DYSF: variants seen among roughly 807,000 people sequenced by gnomAD.
DYSF encodes dysferlin.
Under a neutral mutation model 274.9 loss-of-function variants are expected in DYSF, and 212 were observed. The ratio of observed to expected loss-of-function variants is 0.77; its 90% CI spans 0.69 to 0.86. The LOEUF is 0.86. Among genes scored for constraint, DYSF ranks in the 40% least tolerant of loss-of-function variants. DYSF has a pLI of 0.00. For missense variants in DYSF, 2,666 were observed against 2,783.2 expected (o/e 0.96, Z 0.95); for synonymous variants, 1,091 against 1,078.7 (o/e 1.01, Z -0.22).
At position 71,549,335 on chromosome 2, in the gene DYSF, T is replaced by G; in HGVS notation, c.1577-1706T>G. The G allele has an allele frequency of 1.2e-6, 2 of 1,611,830 alleles. No homozygotes were observed. ...ATGCCCACCCTAACCCCTTTTCCAT[T>G]TCTTTACGCTTCAGAGGAGCCTGCA... On this transcript the variant is annotated intron_variant, in intron 17 of 55. Coordinates refer to ENST00000410020, the MANE Select transcript of DYSF (RefSeq NM_001130987.2).
intron 45 of DYSF, among the ~76,000 whole-genome samples, chr2:71,663,077 G>A (rs2094930269): frequency 6.8e-6 from 1 of 146,670 alleles, no homozygotes; most frequent in Non-Finnish European, 1.5e-5. Context: ...GAAGGGCCCT[G>A]CCTTCCTCCC....
chr2:71,669,331 C>T, intron 50 of DYSF, 124 bp downstream of exon 50: 2 of 947,754 alleles, frequency 2.1e-6, no homozygotes, highest in Non-Finnish European at 3.3e-6. Flanking sequence ...CCAACGAGGG[C>T]TCCTGGGGGT....
chr2:71,565,209 T>A (rs1184756333), intron 24 of DYSF, among the ~76,000 whole-genome samples: 1 of 150,796 alleles, frequency 6.6e-6, no homozygotes, highest in Non-Finnish European at 1.5e-5. Flanking sequence ...GCCTCCTGAG[T>A]AGCTGGGATT....
intron 20 of DYSF, 60 bp from the exon 21 acceptor site, chr2:71,553,747 A>AGGCCCAAAACCCC: frequency 2.3e-6 from 2 of 872,684 alleles, no homozygotes; most frequent in Non-Finnish European, 3.5e-6. Context: ...CACTCTTAGC[A>AGGCCCAAAACCCC]CCCCATCCCA....
intron 3 of DYSF, among the ~76,000 whole-genome samples, chr2:71,487,611 C>A (rs1392337872): frequency 1.3e-5 from 2 of 152,168 alleles, no homozygotes; most frequent in Admixed American, 6.5e-5. Context: ...CAGGTTCAAG[C>A]GATTCTCCTG....
intron 32 of DYSF, among the ~76,000 whole-genome samples, chr2:71,594,896 A>G (rs975185312): frequency 2.0e-5 from 3 of 152,230 alleles, no homozygotes; most frequent in African/African-American, 7.2e-5. Context: ...TGTTTAGGTT[A>G]CAATTTCCAA....
At chr2:71,610,658 A>G (rs901989473) in intron 36 of DYSF, 9 of 158,504 alleles carry the variant, frequency 5.7e-5, no homozygotes, top group Non-Finnish European at 1.2e-4. Flanking sequence ...CCCTTCTCCC[A>G]TTGCTCAGTT....
At chr2:71,610,416 G>C (rs1461782949) in intron 36 of DYSF, among the ~76,000 whole-genome samples, 4 of 152,218 alleles carry the variant, frequency 2.6e-5, no homozygotes, top group Non-Finnish European at 5.9e-5. Context: ...ACATAGTGGA[G>C]TTAGGACTCA....
intron 3 of DYSF, among the ~76,000 whole-genome samples, chr2:71,491,645 T>C (rs1006224624): frequency 2.6e-5 from 4 of 152,348 alleles, no homozygotes; most frequent in Middle Eastern, 3.4e-3. Flanking sequence ...CTCCCACTTA[T>C]AAGTGAGAAC....
chr2:71,503,169 G>T (rs374505146), intron 3 of DYSF, 45 bp from the exon 4 acceptor site: 29 of 1,567,018 alleles, frequency 1.9e-5, no homozygotes, highest in Non-Finnish European at 2.5e-5. Context: ...AAGAGCCAGG[G>T]TGCCTTAGGC....
chr2:71,504,906 C>T (rs751584171), intron 4 of DYSF, among the ~76,000 whole-genome samples: 1 of 152,230 alleles, frequency 6.6e-6, no homozygotes, highest in Admixed American at 6.5e-5. Flanking sequence ...TGTTTACCAG[C>T]GGGGAGCCTG....
intron 10 of DYSF, among the ~76,000 whole-genome samples, chr2:71,519,394 A>T (rs999249037): frequency 9.9e-5 from 15 of 151,902 alleles, no homozygotes; most frequent in Admixed American, 2.0e-4. Flanking sequence ...TCTATGATTT[A>T]AAAAAAAGAC....
chr2:71,531,089 T>C (rs1285792524), intron 14 of DYSF, among the ~76,000 whole-genome samples: 1 of 151,724 alleles, frequency 6.6e-6, no homozygotes, highest in Non-Finnish European at 1.5e-5. Context: ...CTTTTTTTTT[T>C]CTGAATTCAA....
chr2:71,603,368 C>T (rs985421937), intron 36 of DYSF, among the ~76,000 whole-genome samples: 15 of 152,144 alleles, frequency 9.9e-5, no homozygotes, highest in African/African-American at 2.7e-4. Context: ...GAGAGATGCA[C>T]GTTCCCTATG....
chr2:71,474,761 G>T (rs950187470), intron 1 of DYSF, among the ~76,000 whole-genome samples: 1 of 152,178 alleles, frequency 6.6e-6, no homozygotes, highest in Non-Finnish European at 1.5e-5. Context: ...CTACAGGGAA[G>T]GTAGGAAGTG....
chr2:71,636,419 G>A (rs1023293885), intron 41 of DYSF, among the ~76,000 whole-genome samples: 7 of 152,166 alleles, frequency 4.6e-5, no homozygotes, highest in African/African-American at 1.7e-4. Flanking sequence ...GTATACACTG[G>A]AGGTAGTGCC....
chr2:71,476,581 CTTG>C (rs1414598982), intron 1 of DYSF, among the ~76,000 whole-genome samples: 3 of 150,952 alleles, frequency 2.0e-5, no homozygotes, highest in Admixed American at 2.0e-4. Flanking sequence ...AATTGTGCTT[CTTG>C]TTGTGTTTTT....
At chr2:71,589,537 C>A in intron 30 of DYSF, 56 bp from the exon 31 acceptor site, 1 of 1,441,660 alleles carries the variant, frequency 6.9e-7, no homozygotes, top group Non-Finnish European at 9.8e-7. Flanking sequence ...GGCTAGTCTC[C>A]CTGCCACCCC....
At chr2:71,463,815 T>C (rs556018605), upstream of DYSF, among the ~76,000 whole-genome samples, 6 of 152,308 alleles carry the variant, frequency 3.9e-5, no homozygotes, top group South Asian at 1.2e-3. Context: ...CCAATAGCCG[T>C]TGCCAAGAAA....
Sources: gnomAD v4.1 joint callset for allele counts (sites outside exome capture counted in the v4.1 genomes callset) on GRCh38, gnomAD v4.1.1 for gene constraint, MANE v1.5 for transcripts, NCBI Gene and HGNC (gene_info 2026-07-23, HGNC 2026-07-21) for gene names.